The following DNASE1 variants were observed in gnomAD, a reference collection of about 807,000 sequenced individuals.
DNASE1 encodes the protein deoxyribonuclease 1, also known as deoxyribonuclease-1.
In DNASE1, 40 loss-of-function variants were observed where a neutral mutation model predicts 33.9. That is an observed-to-expected ratio of 1.18 (90% CI 0.92 to 1.54). The LOEUF (loss-of-function observed/expected upper bound fraction) is 1.54, where lower values mean the gene tolerates loss of function less well. Among genes scored for constraint, DNASE1 ranks in the 40% most tolerant of loss-of-function variants. The probability of loss-of-function intolerance (pLI) is 0.00; values close to 1 mark genes in which losing one functional copy is unlikely to be tolerated. For missense variants in DNASE1, 518 were observed against 372.6 expected, an observed-to-expected ratio of 1.39 and a Z score of -3.21; for synonymous variants, 216 against 160.0, an observed-to-expected ratio of 1.35 and a Z score of -2.64.
intron 1 of DNASE1, among the ~76,000 whole-genome samples, chr16:3,649,461 G>A (rs535123144): frequency 6.6e-6 from 1 of 152,328 alleles, no homozygotes; most frequent in South Asian, 2.1e-4. Context: ...ACAGTGATAT[G>A]TTTAATCTGT....
chr16:3,648,805 A>G (rs2042246733), intron 1 of DNASE1, among the ~76,000 whole-genome samples: 1 of 152,226 alleles, frequency 6.6e-6, no homozygotes, highest in African/African-American at 2.4e-5. Context: ...TGCATGAATA[A>G]AAGATTGGAT....
chr16:3,618,604 C>T (rs575965614), intron 1 of DNASE1, among the ~76,000 whole-genome samples: 1 of 152,116 alleles, frequency 6.6e-6, no homozygotes, highest in Non-Finnish European at 1.5e-5. Context: ...GTGGTGGGTG[C>T]CTGAATCCCA....
intron 1 of DNASE1, among the ~76,000 whole-genome samples, chr16:3,636,273 T>C (rs1380220997): frequency 1.3e-5 from 2 of 152,240 alleles, no homozygotes; most frequent in Non-Finnish European, 2.9e-5. Flanking sequence ...TAGCATTTCC[T>C]TTTGATTCTT....
At chr16:3,653,656 A>C (rs532612569), upstream of DNASE1, 1 of 151,766 alleles carries the variant, frequency 6.6e-6, no homozygotes, top group African/African-American at 2.4e-5. Context: ...AAAATACAAA[A>C]ATTAGCCGGG....
At chr16:3,643,603 A>T (rs997758581) in intron 1 of DNASE1, among the ~76,000 whole-genome samples, 3 of 152,168 alleles carry the variant, frequency 2.0e-5, no homozygotes, top group African/African-American at 7.2e-5. Context: ...CCCTTCTGTC[A>T]CGCACAGTCC....
chr16:3,656,758 G>A lies in DNASE1; in HGVS notation c.436+5G>A, dbSNP rs756561600. 6.2e-7 allele frequency: 1 copy of A among 1,600,658 alleles called. No individual in the cohort carries two copies. The highest frequency in any genetic ancestry group is 8.5e-7 in the Non-Finnish European group (1 of 1,173,804). ...GGTTCTTCTCCCGGTTCACAGGTGG[G>A]TGCTGCCTGGGCCAGGGTGGGGCTC... On this transcript the variant is annotated splice_donor_5th_base_variant and intron_variant, in intron 5 of 8. Transcript: ENST00000246949.
intron 1 of DNASE1, among the ~76,000 whole-genome samples, chr16:3,624,129 C>T (rs1596565458): frequency 2.6e-5 from 4 of 151,740 alleles, no homozygotes; most frequent in Non-Finnish European, 4.4e-5. Context: ...ATACAAAAAT[C>T]AGCTGGGCGC....
exon 10 of DNASE1, chr16:3,663,258 G>T (rs1226644849): frequency 4.5e-6 from 4 of 887,016 alleles, no homozygotes; most frequent in Admixed American, 2.9e-5. Context: ...ATCTAAACCA[G>T]GAGGCACCTT....
chr16:3,639,319 G>C (rs533616614), upstream of DNASE1, among the ~76,000 whole-genome samples: 5 of 152,310 alleles, frequency 3.3e-5, no homozygotes, highest in East Asian at 7.7e-4. Context: ...GACATATAGG[G>C]TGCTCAGGCA....
intron 1 of DNASE1, chr16:3,612,141 C>T (rs923047310): frequency 1.3e-5 from 2 of 152,472 alleles, no homozygotes; most frequent in Admixed American, 1.3e-4. Context: ...CAGCCAGGGC[C>T]TGGGGGAAAG....
intron 1 of DNASE1, among the ~76,000 whole-genome samples, chr16:3,634,477 C>G (rs1270112803): frequency 6.6e-6 from 1 of 152,106 alleles, no homozygotes; most frequent in Non-Finnish European, 1.5e-5. Flanking sequence ...ATCTGCCCAC[C>G]TCGGCCTCCC....
At chr16:3,624,251 A>G (rs2041426197) in intron 1 of DNASE1, among the ~76,000 whole-genome samples, 1 of 151,058 alleles carries the variant, frequency 6.6e-6, no homozygotes, top group Non-Finnish European at 1.5e-5. Context: ...CCTGGGCGAC[A>G]GAGTGAGACT....
chr16:3,643,690 CTG>C (rs1192847879), intron 1 of DNASE1, among the ~76,000 whole-genome samples: 4 of 152,236 alleles, frequency 2.6e-5, no homozygotes, highest in African/African-American at 9.6e-5. Context: ...CCACAGGAGA[CTG>C]AGATACGGTT....
intron 1 of DNASE1, among the ~76,000 whole-genome samples, chr16:3,645,913 G>A (rs1471978234): frequency 6.6e-6 from 1 of 152,206 alleles, no homozygotes; most frequent in East Asian, 1.9e-4. Context: ...TGGGACATGG[G>A]GTTAAAACAC....
intron 1 of DNASE1, among the ~76,000 whole-genome samples, chr16:3,645,683 G>C (rs2042152929): frequency 6.6e-6 from 1 of 152,224 alleles, no homozygotes; most frequent in Non-Finnish European, 1.5e-5. Flanking sequence ...GCCGGGTTGG[G>C]GAAGGGGCGG....
At chr16:3,621,844 T>A (rs2041325499) in intron 1 of DNASE1, among the ~76,000 whole-genome samples, 1 of 152,252 alleles carries the variant, frequency 6.6e-6, no homozygotes, top group Non-Finnish European at 1.5e-5. Context: ...TTGTAGGATA[T>A]TCCTGTAACA....
At chr16:3,662,227 G>A, downstream of DNASE1, 1 of 1,464,424 alleles carries the variant, frequency 6.8e-7, no homozygotes, top group Non-Finnish European at 9.2e-7. Context: ...CAGACCACGA[G>A]GTAGCAGGCG....
In DNASE1 at chr16:3,628,786, C is replaced by G. The variant is rs187661472; in HGVS notation, c.-1358-11929C>G. Among the ~76,000 whole-genome samples, 1,478 of 148,672 alleles carry G rather than the reference C, an allele frequency of 9.9e-3. 25 individuals carry two copies. The highest frequency in any genetic ancestry group is 0.035 in the African/African-American group (1,420 of 40,932). ...GTGTTAGCCAGGATGGTCTCGATCT[C>G]CTGACCTCGTGATCCGCCCGCCTCA... On this transcript the variant is annotated intron_variant and NMD_transcript_variant, in intron 1 of 11. Transcript: ENST00000570769.
chr16:3,639,972 T>G (rs974923937), upstream of DNASE1, among the ~76,000 whole-genome samples: 70 of 152,246 alleles, frequency 4.6e-4, no homozygotes, highest in African/African-American at 1.7e-3. Flanking sequence ...GGGTCTGGAA[T>G]GCAGTTAAGT....
Sources: gnomAD v4.1 joint callset for allele counts (sites outside exome capture counted in the v4.1 genomes callset) on GRCh38, gnomAD v4.1.1 for gene constraint, MANE v1.5 for transcripts, NCBI Gene and HGNC (gene_info 2026-07-23, HGNC 2026-07-21) for gene names.